PPP1R2: variants seen among roughly 807,000 people sequenced by gnomAD.
PPP1R2 encodes protein phosphatase inhibitor 2.
A neutral mutation model predicts 29.9 loss-of-function variants in PPP1R2; 16 were observed. The ratio of observed to expected loss-of-function variants is 0.53; its 90% CI spans 0.36 to 0.81. The LOEUF is 0.81. Ranked by LOEUF, PPP1R2 falls within the 30% of genes least tolerant of loss-of-function variation. The probability of loss-of-function intolerance (pLI) is 0.00; values close to 1 mark genes in which losing one functional copy is unlikely to be tolerated. For synonymous variants in PPP1R2, 76 were observed against 91.5 expected (o/e 0.83, Z 0.96); for missense variants, 197 against 252.7 (o/e 0.78, Z 1.49).
chr3:195,536,729 C>T (rs375305477), intron 1 of PPP1R2, among the ~76,000 whole-genome samples: 2 of 144,658 alleles, frequency 1.4e-5, no homozygotes, highest in African/African-American at 5.1e-5. Context: ...CAAAGGTTGC[C>T]GTGAGCTGAG....
intron 2 of PPP1R2, among the ~76,000 whole-genome samples, chr3:195,528,064 T>G (rs987017870): frequency 6.6e-6 from 1 of 152,138 alleles, no homozygotes; most frequent in African/African-American, 2.4e-5. Context: ...AGTTCTTCAG[T>G]GGTAATTGCT....
chr3:195,535,680 A>C (rs1432866525), intron 1 of PPP1R2, among the ~76,000 whole-genome samples: 1 of 152,208 alleles, frequency 6.6e-6, no homozygotes, highest in Non-Finnish European at 1.5e-5. Flanking sequence ...ATGTAGAAGA[A>C]GCAAAGCCAG....
chr3:195,543,196 C>CG lies in PPP1R2; in HGVS notation c.-172_-171insC. 1 of 882,144 alleles carries CG rather than the reference C, an allele frequency of 1.1e-6. No homozygotes were observed. The highest frequency in any genetic ancestry group is 2.0e-5 in the South Asian group (1 of 50,136). The allele number at this position is 882,144 out of a possible 1,614,324, so 54.6% of individuals were successfully genotyped here. On this transcript the variant is annotated 5_prime_UTR_variant, in exon 1 of 6. Transcript: ENST00000618156. ...CGCAGCGGTTGTCACGACACAACGACCCCGACGCCAGAGCCAACGCCGAAC... is the reference window on the plus strand; with the variant it reads ...CGCAGCGGTTGTCACGACACAACGACGCCCGACGCCAGAGCCAACGCCGAAC...
rs150119072 is a variant in PPP1R2, at chr3:195,537,481, T to TTTTGTGTGTG, written c.122+5422_122+5423insCACACACAAA. ...ACCAAACCATTGCTAGGATTAGCTA[T>TTTTGTGTGTG]TGTGTGTGTGTGTGTGTGTGTGTGT... On this transcript the variant is annotated intron_variant, in intron 1 of 5. Transcript: ENST00000618156. 7.1e-3 allele frequency among the ~76,000 whole-genome samples: 910 copies of TTTTGTGTGTG among 128,558 alleles called. 12 individuals are homozygous for TTTTGTGTGTG. Among genetic ancestry groups the TTTTGTGTGTG allele is most frequent in the Middle Eastern group, 0.028 (7 of 250 alleles). The allele number at this position is 128,558 out of a possible 152,430, so 84.3% of individuals were successfully genotyped here. A position where few individuals can be genotyped will look rare whatever the true frequency, so the allele number is the denominator to read the frequency against.
intron 1 of PPP1R2, among the ~76,000 whole-genome samples, chr3:195,541,606 C>T (rs1011449749): frequency 2.0e-5 from 3 of 151,962 alleles, no homozygotes; most frequent in Non-Finnish European, 4.4e-5. Flanking sequence ...TGTTATTTAT[C>T]TTTTAACTAA....
intron 4 of PPP1R2, among the ~76,000 whole-genome samples, chr3:195,522,604 T>C (rs982782076): frequency 6.6e-6 from 1 of 152,212 alleles, no homozygotes; most frequent in Non-Finnish European, 1.5e-5. Context: ...AAGGATCTTT[T>C]GGGGTATATT....
rs192197912 is a variant in PPP1R2 at position 195,528,140 on chromosome 3, C to T, written c.230+1654G>A. ...ACCCAATGTGTAGTCTTTTATCCCT[C>T]AACCCCCTCTCACCCCTCCCATCCC... On this transcript the variant is annotated intron_variant, in intron 2 of 5. Coordinates refer to ENST00000618156, the MANE Select transcript of PPP1R2 (RefSeq NM_006241.8). Among the ~76,000 whole-genome samples, 19 of 152,186 alleles carry T rather than the reference C, an allele frequency of 1.2e-4. No individual in the cohort carries two copies. In the East Asian group the frequency reaches 3.7e-3, roughly 29 times the overall value.
At chr3:195,539,383 T>C (rs1440528022) in intron 1 of PPP1R2, among the ~76,000 whole-genome samples, 3 of 152,166 alleles carry the variant, frequency 2.0e-5, no homozygotes, top group African/African-American at 7.2e-5. Context: ...CCTCAAAAAT[T>C]GGTATCTGAC....
intron 1 of PPP1R2, among the ~76,000 whole-genome samples, chr3:195,537,481 T>TTTTTTTTGTGTGTGTGTGTGTGTGTG (rs150119072): frequency 4.7e-5 from 6 of 128,516 alleles, no homozygotes; most frequent in African/African-American, 1.2e-4. Flanking sequence ...GGATTAGCTA[T>TTTTTTTTGTGTGTGTGTGTGTGTGTG]TGTGTGTGTG....
At position 195,529,780 on chromosome 3, in the gene PPP1R2, C is replaced by T; in HGVS notation, c.230+14G>A. The T allele has an allele frequency of 6.6e-7, 1 of 1,524,838 alleles. No individual in the cohort carries two copies. The highest frequency in any genetic ancestry group is 8.9e-7 in the Non-Finnish European group (1 of 1,120,788). The allele number at this position is 1,524,838 out of a possible 1,614,324, so 94.5% of individuals were successfully genotyped here. A position where few individuals can be genotyped will look rare whatever the true frequency, so the allele number is the denominator to read the frequency against. The stretch of plus-strand genomic sequence containing the variant: ...AAGTAAGTCACAAGAGGAATGACGT[C>T]TACGTAACATTACCTATGGTAAGGA... On this transcript the variant is annotated intron_variant, in intron 2 of 5. Transcript: ENST00000618156.
In PPP1R2 at chr3:195,543,276, G is replaced by C. The variant is rs1719680036; in HGVS notation, c.-251C>G. ...ACTGGCACTTGACCCGCGGCTCGCGGAGAGACGCCGGCCTAGAGCTCCAGC... is the reference window on the plus strand; with the variant it reads ...ACTGGCACTTGACCCGCGGCTCGCGCAGAGACGCCGGCCTAGAGCTCCAGC... On this transcript the variant is annotated 5_prime_UTR_variant, in exon 1 of 6. Transcript: ENST00000618156. 2.6e-6 allele frequency: 1 copy of C among 379,696 alleles called. No homozygotes were observed. Among genetic ancestry groups the C allele is most frequent in the East Asian group, 4.7e-5 (1 of 21,060 alleles). The allele number at this position is 379,696 out of a possible 1,614,324, so 23.5% of individuals were successfully genotyped here.
At chr3:195,524,401 A>G (rs369044555) in intron 3 of PPP1R2, among the ~76,000 whole-genome samples, 90 of 152,298 alleles carry the variant, frequency 5.9e-4, no homozygotes, top group African/African-American at 2.0e-3. Flanking sequence ...ATGGGCCTGT[A>G]ATCCCAGCTA....
chr3:195,541,400 A>C (rs35281308), intron 1 of PPP1R2, among the ~76,000 whole-genome samples: 40,439 of 148,778 alleles, frequency 0.27, 6,336 homozygotes, highest in Admixed American at 0.45. Flanking sequence ...CTGAAGCTAC[A>C]TTTGAGCCTT....
chr3:195,536,572 T>C (rs1269975405), intron 1 of PPP1R2, among the ~76,000 whole-genome samples: 1 of 151,988 alleles, frequency 6.6e-6, no homozygotes, highest in Admixed American at 6.6e-5. Context: ...GCAGATCACC[T>C]GAAGTCAGGA....
At chr3:195,523,551 C>G (rs552068857) in intron 4 of PPP1R2, 141 bp downstream of exon 4, 1 of 657,768 alleles carries the variant, frequency 1.5e-6, no homozygotes, top group East Asian at 2.7e-5. Flanking sequence ...CAAGTAGTAT[C>G]TGAATTATAA....
chr3:195,529,754 G>C, intron 2 of PPP1R2, 40 bp downstream of exon 2: 1 of 1,381,990 alleles, frequency 7.2e-7, no homozygotes, highest in South Asian at 1.3e-5. Flanking sequence ...ATGCAAAATG[G>C]AAGTAAGTCA....
intron 1 of PPP1R2, among the ~76,000 whole-genome samples, chr3:195,536,201 T>C (rs1719375857): frequency 6.7e-6 from 1 of 149,900 alleles, no homozygotes; most frequent in South Asian, 2.1e-4. Flanking sequence ...CTCATGCCTA[T>C]AAATCCCAAC....
At chr3:195,534,078 G>A (rs1719284045) in intron 1 of PPP1R2, among the ~76,000 whole-genome samples, 1 of 152,212 alleles carries the variant, frequency 6.6e-6, no homozygotes, top group Non-Finnish European at 1.5e-5. Context: ...ACTTTGGGAG[G>A]CTGAGGCAGG....
At chr3:195,541,243 A>C (rs567849098) in intron 1 of PPP1R2, among the ~76,000 whole-genome samples, 45 of 152,312 alleles carry the variant, frequency 3.0e-4, no homozygotes, top group African/African-American at 1.1e-3. Flanking sequence ...GGGAAATTAC[A>C]GCAGATCCAA....
Sources: gnomAD v4.1 joint callset for allele counts (sites outside exome capture counted in the v4.1 genomes callset) on GRCh38, gnomAD v4.1.1 for gene constraint, MANE v1.5 for transcripts, NCBI Gene and HGNC (gene_info 2026-07-23, HGNC 2026-07-21) for gene names.